The following TTC38 variants were observed in gnomAD, a reference collection of about 807,000 sequenced individuals.
TTC38 encodes tetratricopeptide repeat protein 38.
TTC38 carries 64 observed loss-of-function variants against 64.2 expected under a neutral mutation model. The ratio of observed to expected loss-of-function variants is 1.00; its 90% CI spans 0.81 to 1.23. TTC38 has a LOEUF of 1.23. Ranked by LOEUF, TTC38 falls within the 50% of genes most tolerant of loss-of-function variation. TTC38 has a pLI of 0.00. For missense variants in TTC38, 573 were observed against 615.5 expected (o/e 0.93, Z 0.73); for synonymous variants, 254 against 249.3 (o/e 1.02, Z -0.18).
intron 9 of TTC38, 42 bp downstream of exon 9, chr22:46,285,321 T>C (rs1300865333): frequency 1.9e-6 from 3 of 1,603,884 alleles, no homozygotes; most frequent in Non-Finnish European, 2.6e-6. Context: ...TGCAGCATTT[T>C]GCCTTTGAGT....
intron 9 of TTC38, among the ~76,000 whole-genome samples, chr22:46,286,530 G>A (rs914232275): frequency 2.6e-5 from 4 of 152,012 alleles, no homozygotes; most frequent in Non-Finnish European, 5.9e-5. Flanking sequence ...ATGTGGTGGT[G>A]GGCACCTGTA....
At position 46,282,034 on chromosome 22, in the gene TTC38, T is replaced by C; in HGVS notation, c.735+316T>C. On this transcript the variant is annotated intron_variant, in intron 7 of 13. Coordinates refer to ENST00000381031, the MANE Select transcript of TTC38 (RefSeq NM_017931.4). This position sits in a 1 kb window ranked among gnomAD's most constrained non-coding sequence, Gnocchi z 4.4. ...ATGAGCTGCACCATGACGGGGACCC[T>C]CTGTGGGATGTGGAAACGCAGAGGA... 1 of 521,826 alleles carries C rather than the reference T, an allele frequency of 1.9e-6. No individual in the cohort carries two copies. Among genetic ancestry groups the C allele is most frequent in the Non-Finnish European group, 3.8e-6 (1 of 261,570 alleles). The allele number at this position is 521,826 out of a possible 1,614,324, so 32.3% of individuals were successfully genotyped here.
chr22:46,285,274 AC>A lies in TTC38; in HGVS notation c.832del (p.His278ThrfsTer60), dbSNP rs750312598. The A allele has an allele frequency of 3.1e-6, 5 of 1,614,182 alleles. No individual in the cohort carries two copies. In the South Asian group the frequency reaches 5.5e-5, roughly 18 times the overall value. On this transcript the variant is annotated frameshift_variant, in exon 9 of 14. Transcript: ENST00000381031. LOFTEE classifies it high-confidence loss of function. ...TGAGGCCGCGCTGACCATCTACGAT[AC>A]CCACGTAAGTTGCATTCACACCGTG... ...EYEAALTIYD[T>X]HILPSLQAND...
At position 46,293,026 on chromosome 22, in the gene TTC38, A is replaced by T. The variant is rs551171044; in HGVS notation, c.*142A>T. 2 of 621,342 alleles carry T rather than the reference A, an allele frequency of 3.2e-6. No homozygotes were observed. The highest frequency in any genetic ancestry group is 3.6e-5 in the African/African-American group (2 of 55,052). The allele number at this position is 621,342 out of a possible 1,614,324, so 38.5% of individuals were successfully genotyped here. On this transcript the variant is annotated 3_prime_UTR_variant, in exon 14 of 14. Transcript: ENST00000381031. This position sits in a 1 kb window ranked among gnomAD's most constrained non-coding sequence, Gnocchi z 6.6. ...GAGGGTGATCTTCAGTTTTACAGGAAGTGGGTCACGGGTTAATTTTAAATG... is the reference window on the plus strand; with the variant it reads ...GAGGGTGATCTTCAGTTTTACAGGATGTGGGTCACGGGTTAATTTTAAATG...
Position 46,274,175 on chromosome 22 carries a change from T to G in TTC38, c.365+106T>G. ...TTGGGACGGGGGCGGGGTGGGAGAATGCTTCTCTCCCTGCCTCCTGAGATG... is the reference window on the plus strand; with the variant it reads ...TTGGGACGGGGGCGGGGTGGGAGAAGGCTTCTCTCCCTGCCTCCTGAGATG... On this transcript the variant is annotated intron_variant, in intron 4 of 13. Coordinates refer to ENST00000381031, the MANE Select transcript of TTC38 (RefSeq NM_017931.4). This position sits in a 1 kb window ranked among gnomAD's most constrained non-coding sequence, Gnocchi z 4.8. 2 of 913,664 alleles carry G rather than the reference T, an allele frequency of 2.2e-6. No individual in the cohort carries two copies. The allele number at this position is 913,664 out of a possible 1,614,324, so 56.6% of individuals were successfully genotyped here. A position where few individuals can be genotyped will look rare whatever the true frequency, so the allele number is the denominator to read the frequency against.
intron 7 of TTC38, among the ~76,000 whole-genome samples, chr22:46,283,384 ACCGGT>A (rs2077548565): frequency 6.6e-6 from 1 of 152,162 alleles, no homozygotes; most frequent in Non-Finnish European, 1.5e-5. Flanking sequence ...CTTCCTCTGC[ACCGGT>A]CCTGGGGCTG....
chr22:46,289,888 G>C lies in TTC38; in HGVS notation c.1305G>C (p.Lys435Asn). Residue 435 changes from lysine to asparagine, a missense_variant, in exon 13 of 14, where the codon AAG becomes AAC. By Grantham distance (94) the Lys-to-Asn change is moderately conservative (BLOSUM62 0). This residue lies in a region of TTC38 where 371 missense variants were observed against 381.8 expected (regional missense o/e 0.97). Transcript: ENST00000381031. ...AALNCTSSVH[K>N]NVARSLLMER... Reference sequence around the variant, plus strand: ...TAAACTGCACCTCCAGCGTCCATAAGAACGTAGCCCGGTGAGCTCCTGGCC... The same window carrying C: ...TAAACTGCACCTCCAGCGTCCATAACAACGTAGCCCGGTGAGCTCCTGGCC... 1 of 1,614,186 alleles carries C rather than the reference G, an allele frequency of 6.2e-7. No individual in the cohort carries two copies. The highest frequency in any genetic ancestry group is 8.5e-7 in the Non-Finnish European group (1 of 1,180,030).
intron 6 of TTC38, chr22:46,280,369 G>A (rs1316546657): frequency 1.1e-5 from 4 of 351,896 alleles, no homozygotes; most frequent in African/African-American, 8.6e-5. Flanking sequence ...ATTCTGCTGG[G>A]CCTTGTAGCC....
rs2077614650 is a variant in TTC38 at position 46,291,438 on chromosome 22, G to A, written c.1317-1353G>A. ...GGAGCCGACTGCATTAGGAGACGTG[G>A]AGGGGGCCTTCTCTCCAAGTCCTGT... On this transcript the variant is annotated intron_variant, in intron 13 of 13. Transcript: ENST00000381031. The surrounding 1 kb of genome is among the most constrained non-coding windows in gnomAD (Gnocchi z 4.6). Among the ~76,000 whole-genome samples the A allele has an allele frequency of 2.0e-5, 3 of 152,148 alleles. No individual in the cohort carries two copies. The highest frequency in any genetic ancestry group is 7.2e-5 in the African/African-American group (3 of 41,436).
At position 46,292,193 on chromosome 22, in the gene TTC38, A is replaced by G. The variant is rs1255484810; in HGVS notation, c.1317-598A>G. The G allele has an allele frequency of 2.3e-6, 1 of 440,358 alleles. No individual in the cohort carries two copies. The highest frequency in any genetic ancestry group is 7.1e-5 in the East Asian group (1 of 14,140). The allele number at this position is 440,358 out of a possible 1,614,324, so 27.3% of individuals were successfully genotyped here. ...TTCTTCTTTCTTTTTAAATTTTTTTATATTTTTAGAGGCAAGGTCTCACTC... is the reference window on the plus strand; with the variant it reads ...TTCTTCTTTCTTTTTAAATTTTTTTGTATTTTTAGAGGCAAGGTCTCACTC... On this transcript the variant is annotated intron_variant, in intron 13 of 13. Coordinates refer to ENST00000381031, the MANE Select transcript of TTC38 (RefSeq NM_017931.4). This position sits in a 1 kb window ranked among gnomAD's most constrained non-coding sequence, Gnocchi z 6.5.
intron 6 of TTC38, among the ~76,000 whole-genome samples, chr22:46,280,948 T>C (rs1162038157): frequency 1.3e-5 from 2 of 152,136 alleles, no homozygotes; most frequent in Non-Finnish European, 2.9e-5. Context: ...AACACATAAA[T>C]AGAAGAAAGA....
chr22:46,272,470 C>T lies in TTC38; in HGVS notation c.193+54C>T. 1.4e-6 allele frequency: 2 copies of T among 1,463,812 alleles called. No individual in the cohort carries two copies. Among genetic ancestry groups the T allele is most frequent in the Non-Finnish European group, 1.9e-6 (2 of 1,046,268 alleles). The allele number at this position is 1,463,812 out of a possible 1,614,324, so 90.7% of individuals were successfully genotyped here. ...GCCCCGCTTCACACATCCAGCCCCTCTCTTTCCTTTACCACAGGGACACAG... is the reference window on the plus strand; with the variant it reads ...GCCCCGCTTCACACATCCAGCCCCTTTCTTTCCTTTACCACAGGGACACAG... On this transcript the variant is annotated intron_variant, in intron 3 of 13. Transcript: ENST00000381031. The surrounding 1 kb of genome is among the most constrained non-coding windows in gnomAD (Gnocchi z 6.4).
Position 46,281,945 on chromosome 22 carries a change from C to T in TTC38, c.735+227C>T, listed in dbSNP as rs2077538167. ...TGCCCTAGGGACTCCACTGAGGGTC[C>T]AGCCCAGACTTCTCTGTCCTTACAG... On this transcript the variant is annotated intron_variant, in intron 7 of 13. Transcript: ENST00000381031. The surrounding 1 kb of genome is among the most constrained non-coding windows in gnomAD (Gnocchi z 5.2). 1.5e-6 allele frequency: 1 copy of T among 666,238 alleles called. No homozygotes were observed. Among genetic ancestry groups the T allele is most frequent in the African/African-American group, 1.8e-5 (1 of 55,960 alleles). The allele number at this position is 666,238 out of a possible 1,614,324, so 41.3% of individuals were successfully genotyped here. A position where few individuals can be genotyped will look rare whatever the true frequency, so the allele number is the denominator to read the frequency against.
chr22:46,288,728 A>G, intron 11 of TTC38, 140 bp downstream of exon 11: 1 of 801,626 alleles, frequency 1.2e-6, no homozygotes, highest in Non-Finnish European at 2.0e-6. Flanking sequence ...GGCAGCTCCC[A>G]GGTGTGCACC....
Position 46,281,480 on chromosome 22 carries a change from C to T in TTC38, c.616-119C>T, listed in dbSNP as rs989235037. 9.8e-6 allele frequency: 11 copies of T among 1,120,564 alleles called. No individual in the cohort carries two copies. The East Asian group carries it at 1.9e-4, about 20-fold the overall frequency. The allele number at this position is 1,120,564 out of a possible 1,614,324, so 69.4% of individuals were successfully genotyped here. On this transcript the variant is annotated intron_variant, in intron 6 of 13. Transcript: ENST00000381031. The surrounding 1 kb of genome is among the most constrained non-coding windows in gnomAD (Gnocchi z 5.2). ...GTTTTGAGTCAGAGCCCCGCCCCCC[C>T]ACTTGCTCCACCCCGTTCAGCCCAG...
chr22:46,277,038 T>TAC lies in TTC38; in HGVS notation c.540-1547_540-1546insCA, dbSNP rs758364134. ...AAATGACCCCAGTAAACAATACATATATATACATACACACACACACACACA... is the reference window on the plus strand; with the variant it reads ...AAATGACCCCAGTAAACAATACATATACATATACATACACACACACACACACA... On this transcript the variant is annotated intron_variant, in intron 5 of 13. Transcript: ENST00000381031. Among the ~76,000 whole-genome samples the TAC allele has an allele frequency of 1.6e-3, 158 of 101,544 alleles. 1 individual carries two copies. Among genetic ancestry groups the TAC allele is most frequent in the African/African-American group, 4.5e-3 (105 of 23,298 alleles). 66.6% of individuals were successfully genotyped at this position (101,544 alleles called of 152,430 possible).
In TTC38 at chr22:46,282,226, A is replaced by C. The variant is rs545261112; in HGVS notation, c.735+508A>C. ...AGCTTGAGCAAGGCCTCCAAGGCCT[A>C]CAGTGGCCTGTGAGGGAGAGGAGAG... On this transcript the variant is annotated intron_variant, in intron 7 of 13. Transcript: ENST00000381031. The surrounding 1 kb of genome is among the most constrained non-coding windows in gnomAD (Gnocchi z 4.4). The C allele has an allele frequency of 6.4e-6, 2 of 310,504 alleles. No homozygotes were observed. The highest frequency in any genetic ancestry group is 4.4e-5 in the African/African-American group (2 of 45,602). The allele number at this position is 310,504 out of a possible 1,614,324, so 19.2% of individuals were successfully genotyped here.
chr22:46,292,329 G>T lies in TTC38; in HGVS notation c.1317-462G>T. 2.7e-6 allele frequency: 1 copy of T among 365,244 alleles called. No individual in the cohort carries two copies. Among genetic ancestry groups the T allele is most frequent in the Non-Finnish European group, 5.4e-6 (1 of 185,438 alleles). The allele number at this position is 365,244 out of a possible 1,614,324, so 22.6% of individuals were successfully genotyped here. A position where few individuals can be genotyped will look rare whatever the true frequency, so the allele number is the denominator to read the frequency against. On this transcript the variant is annotated intron_variant, in intron 13 of 13. Transcript: ENST00000381031. The surrounding 1 kb of genome is among the most constrained non-coding windows in gnomAD (Gnocchi z 6.5). Reference sequence around the variant, plus strand: ...CTTCCATCGTGCAGGGATTACAGGGGTGAGCCACCACACCTATCTCTTCTT... The same window carrying T: ...CTTCCATCGTGCAGGGATTACAGGGTTGAGCCACCACACCTATCTCTTCTT...
At chr22:46,277,247 C>G (rs1051994231) in intron 5 of TTC38, among the ~76,000 whole-genome samples, 3 of 152,106 alleles carry the variant, frequency 2.0e-5, no homozygotes, top group Non-Finnish European at 2.9e-5. Flanking sequence ...CGAGAAACCA[C>G]AGGAAAGAAA....
Sources: allele counts gnomAD v4.1 joint callset (sites outside exome capture counted in the v4.1 genomes callset), GRCh38; gene constraint gnomAD v4.1.1; regional missense constraint gnomAD v4.1.1; non-coding constraint Gnocchi (gnomAD v3.1); transcripts MANE v1.5; gene names NCBI Gene and HGNC (gene_info 2026-07-23, HGNC 2026-07-21).